The following KAZN variants were observed in gnomAD, a reference collection of about 807,000 sequenced individuals.
The protein encoded by KAZN is kazrin.
A neutral mutation model predicts 87.4 loss-of-function variants in KAZN; 40 were observed. The observed-to-expected ratio is 0.46, with a 90% CI of 0.36 to 0.60. The LOEUF is 0.60. Among genes scored for constraint, KAZN ranks in the 20% least tolerant of loss-of-function variants. KAZN has a pLI of 0.00. For synonymous variants in KAZN, 466 were observed against 458.3 expected (o/e 1.02, Z -0.22); for missense variants, 898 against 1,073.9 (o/e 0.84, Z 2.29).
chr1:14,375,626 C>T (rs1273324316), intron 2 of KAZN, among the ~76,000 whole-genome samples: 3 of 152,134 alleles, frequency 2.0e-5, no homozygotes, highest in Admixed American at 2.0e-4. Context: ...GTGGCTCACA[C>T]CTGTAATCCC....
At chr1:14,277,714 C>T (rs970076125) in intron 2 of KAZN, among the ~76,000 whole-genome samples, 1 of 151,162 alleles carries the variant, frequency 6.6e-6, no homozygotes. Context: ...CTTCTATGTG[C>T]CCATTTCTCA....
intron 1 of KAZN, among the ~76,000 whole-genome samples, chr1:14,734,232 A>G (rs1643814882): frequency 6.6e-6 from 1 of 151,858 alleles, no homozygotes; most frequent in Non-Finnish European, 1.5e-5. Context: ...GCACTCCGGG[A>G]TCTGGATAGA....
intron 1 of KAZN, among the ~76,000 whole-genome samples, chr1:14,764,346 C>G (rs1644826553): frequency 6.6e-6 from 1 of 151,260 alleles, no homozygotes; most frequent in Non-Finnish European, 1.5e-5. Flanking sequence ...CACGATCACC[C>G]TATTTAAAAT....
At chr1:14,942,546 A>G (rs1476873378) in intron 1 of KAZN, among the ~76,000 whole-genome samples, 13 of 152,206 alleles carry the variant, frequency 8.5e-5, no homozygotes, top group Non-Finnish European at 2.9e-5. Context: ...CGAACCTAGA[A>G]CCTACTCTTC....
chr1:14,700,390 G>C (rs1360947963), intron 1 of KAZN, among the ~76,000 whole-genome samples: 2 of 151,936 alleles, frequency 1.3e-5, no homozygotes, highest in Non-Finnish European at 2.9e-5. Context: ...AGAATCGCTT[G>C]AACCCGGGAG....
rs1399981504 is a variant in KAZN, at chr1:13,984,672, A to C, written c.91+90916A>C. 4.6e-5 allele frequency among the ~76,000 whole-genome samples: 7 copies of C among 152,318 alleles called. No homozygotes were observed. In the East Asian group the frequency reaches 5.8e-4, roughly 13 times the overall value. On this transcript the variant is annotated intron_variant, in intron 1 of 16. Coordinates refer to the KAZN transcript ENST00000636203. Reference sequence around the variant, plus strand: ...GATTTTATGTATGTTACTATATATAAGCATATATGGACATACTAGGTAGAG... The same window carrying C: ...GATTTTATGTATGTTACTATATATACGCATATATGGACATACTAGGTAGAG...
At chr1:14,753,742 G>T (rs373769859) in intron 1 of KAZN, among the ~76,000 whole-genome samples, 10 of 152,284 alleles carry the variant, frequency 6.6e-5, no homozygotes, top group African/African-American at 2.4e-4. Context: ...CACCCATAGA[G>T]GCTACATCTT....
intron 2 of KAZN, among the ~76,000 whole-genome samples, chr1:14,994,393 A>G (rs1667674185): frequency 6.6e-6 from 1 of 152,212 alleles, no homozygotes; most frequent in South Asian, 2.1e-4. Flanking sequence ...GGTATCTACT[A>G]AGGCCCCGTT....
At chr1:14,367,565 GT>G (rs1325353490) in intron 2 of KAZN, among the ~76,000 whole-genome samples, 3 of 152,106 alleles carry the variant, frequency 2.0e-5, no homozygotes, top group Non-Finnish European at 2.9e-5. Context: ...AGGCTTGAGG[GT>G]GGAGCCCTTG....
intron 1 of KAZN, among the ~76,000 whole-genome samples, chr1:14,681,343 A>G (rs1640559642): frequency 6.6e-6 from 1 of 152,082 alleles, no homozygotes; most frequent in African/African-American, 2.4e-5. Context: ...TTTGTGTTCA[A>G]GTCTTTTTGT....
intron 4 of KAZN, among the ~76,000 whole-genome samples, chr1:15,052,907 G>A (rs1005750220): frequency 3.3e-5 from 5 of 152,150 alleles, no homozygotes; most frequent in South Asian, 2.1e-4. Flanking sequence ...ATGAGACCCC[G>A]CCTGGGAGAA....
At chr1:14,037,656 A>T (rs1398298210) in intron 1 of KAZN, among the ~76,000 whole-genome samples, 6 of 152,196 alleles carry the variant, frequency 3.9e-5, no homozygotes, top group African/African-American at 1.4e-4. Flanking sequence ...GCACAGAAGC[A>T]GCTGTCAGCA....
chr1:14,281,481 C>T (rs932392520), intron 2 of KAZN, among the ~76,000 whole-genome samples: 4 of 152,188 alleles, frequency 2.6e-5, no homozygotes, highest in African/African-American at 7.2e-5. Flanking sequence ...GATACACCTG[C>T]ATTATCACTC....
intron 2 of KAZN, among the ~76,000 whole-genome samples, chr1:14,983,513 C>A (rs1410795473): frequency 1.1e-5 from 1 of 91,958 alleles, no homozygotes; most frequent in Admixed American, 1.1e-4. Context: ...AGTGACGTGA[C>A]CCCTGTGGGG....
chr1:14,017,793 A>G (rs1471436520), intron 1 of KAZN, among the ~76,000 whole-genome samples: 3 of 152,272 alleles, frequency 2.0e-5, no homozygotes, highest in African/African-American at 7.2e-5. Context: ...CCGCTTGTGG[A>G]GCTACCACAA....
At position 13,936,517 on chromosome 1, in the gene KAZN, C is replaced by T. The variant is rs558468138; in HGVS notation, c.91+42761C>T. On this transcript the variant is annotated intron_variant, in intron 1 of 16. Transcript: ENST00000636203. The stretch of plus-strand genomic sequence containing the variant: ...TCAACAGGTAATTTTTCAACCCTTA[C>T]CTCCCTCCCACTCTTCCACCTTTTG... Among the ~76,000 whole-genome samples, 5 of 152,246 alleles carry T rather than the reference C, an allele frequency of 3.3e-5. No homozygotes were observed. In the East Asian group the frequency reaches 5.8e-4, roughly 18 times the overall value.
intron 1 of KAZN, among the ~76,000 whole-genome samples, chr1:14,736,385 G>A (rs1169654856): frequency 6.7e-6 from 1 of 148,980 alleles, no homozygotes; most frequent in South Asian, 2.1e-4. Flanking sequence ...TGCAACCTCT[G>A]CCTCCCAGGT....
chr1:14,174,182 C>A (rs879605395), intron 1 of KAZN, among the ~76,000 whole-genome samples: 15 of 151,966 alleles, frequency 9.9e-5, no homozygotes, highest in African/African-American at 3.4e-4. Flanking sequence ...TGGGGGCTGG[C>A]GAAAAGGTGG....
At chr1:14,166,908 T>G (rs889783367) in intron 1 of KAZN, among the ~76,000 whole-genome samples, 1 of 152,228 alleles carries the variant, frequency 6.6e-6, no homozygotes, top group African/African-American at 2.4e-5. Context: ...GAGTGAGGTT[T>G]TAGCTTTTAC....
Sources: gnomAD v4.1 joint callset for allele counts (sites outside exome capture counted in the v4.1 genomes callset) on GRCh38, gnomAD v4.1.1 for gene constraint, MANE v1.5 for transcripts, NCBI Gene and HGNC (gene_info 2026-07-23, HGNC 2026-07-21) for gene names.